SNTG1: variants seen among roughly 807,000 people sequenced by gnomAD.
The protein encoded by SNTG1 is gamma-1-syntrophin.
In SNTG1, 39 loss-of-function variants were observed where a neutral mutation model predicts 74.7. That is an observed-to-expected ratio of 0.52 (90% CI 0.40 to 0.68). SNTG1 has a LOEUF of 0.68. Ranked by LOEUF, SNTG1 falls within the 30% of genes least tolerant of loss-of-function variation. SNTG1 has a pLI of 0.00. For missense variants in SNTG1, 685 were observed against 609.5 expected, an observed-to-expected ratio of 1.12 and a Z score of -1.30; for synonymous variants, 254 against 217.1, an observed-to-expected ratio of 1.17 and a Z score of -1.49.
intron 1 of SNTG1, among the ~76,000 whole-genome samples, chr8:49,923,545 A>T (rs1358491447): frequency 6.6e-6 from 1 of 152,156 alleles, no homozygotes; most frequent in African/African-American, 2.4e-5. Context: ...CAAATTACTC[A>T]GCCTTTTCAC....
intron 1 of SNTG1, among the ~76,000 whole-genome samples, chr8:50,035,540 G>A (rs1170044205): frequency 6.6e-6 from 1 of 152,150 alleles, no homozygotes; most frequent in Admixed American, 6.5e-5. Context: ...AATATTTTGT[G>A]CGTTGTTAAA....
At chr8:50,762,522 C>A in intron 18 of SNTG1, 1 of 376,186 alleles carries the variant, frequency 2.7e-6, no homozygotes, top group South Asian at 2.3e-5. Flanking sequence ...GCTATCAAGT[C>A]TGCCCTTTCT....
At chr8:50,356,807 G>A (rs866094116) in intron 2 of SNTG1, among the ~76,000 whole-genome samples, 11 of 152,108 alleles carry the variant, frequency 7.2e-5, no homozygotes, top group African/African-American at 2.7e-4. Context: ...TCAAACCATA[G>A]CATTTTTTAG....
intron 2 of SNTG1, among the ~76,000 whole-genome samples, chr8:50,247,967 G>A (rs1434356827): frequency 1.3e-5 from 2 of 152,118 alleles, no homozygotes; most frequent in African/African-American, 4.8e-5. Flanking sequence ...GGAAAGATCA[G>A]TTCTGGGACT....
intron 9 of SNTG1, among the ~76,000 whole-genome samples, chr8:50,507,687 T>A (rs964190700): frequency 8.9e-6 from 1 of 112,134 alleles, no homozygotes; most frequent in African/African-American, 3.7e-5. Context: ...ATTTCATTTC[T>A]TTTTTTTTAA....
chr8:50,466,655 C>T lies in SNTG1; in HGVS notation c.363+15926C>T, dbSNP rs554596516. 7.4e-4 allele frequency among the ~76,000 whole-genome samples: 113 copies of T among 152,046 alleles called. 2 individuals carry two copies. Among genetic ancestry groups the T allele is most frequent in the South Asian group, 3.3e-3 (16 of 4,828 alleles). ...CAGCATCTAAGCAATGTTGAGTCCT[C>T]GAATCCATGAACATGGAACGTCTAT... On this transcript the variant is annotated intron_variant, in intron 8 of 18. Coordinates refer to ENST00000642720, the MANE Select transcript of SNTG1 (RefSeq NM_018967.5).
At chr8:50,248,206 C>A (rs182604770) in intron 2 of SNTG1, among the ~76,000 whole-genome samples, 1 of 152,236 alleles carries the variant, frequency 6.6e-6, no homozygotes, top group Non-Finnish European at 1.5e-5. Flanking sequence ...AGGACTTCAA[C>A]ATTTGCATAA....
At chr8:50,008,485 C>T (rs1300646195) in intron 1 of SNTG1, among the ~76,000 whole-genome samples, 1 of 151,992 alleles carries the variant, frequency 6.6e-6, no homozygotes, top group Admixed American at 6.6e-5. Context: ...AAGTTTATTA[C>T]GGAGATTTTT....
intron 1 of SNTG1, among the ~76,000 whole-genome samples, chr8:50,129,713 A>G (rs746736457): frequency 3.3e-5 from 5 of 152,148 alleles, no homozygotes; most frequent in Admixed American, 6.6e-5. Flanking sequence ...CATGACTTCA[A>G]TCTCATAGTC....
chr8:50,254,948 C>CTTTTTT (rs4006072), intron 2 of SNTG1, among the ~76,000 whole-genome samples: 6 of 85,258 alleles, frequency 7.0e-5, no homozygotes, highest in African/African-American at 2.3e-4. Flanking sequence ...TTTATTGCCA[C>CTTTTTT]TTTTTTTTTT....
intron 12 of SNTG1, among the ~76,000 whole-genome samples, chr8:50,570,564 T>TA (rs1250404703): frequency 2.3e-5 from 3 of 129,802 alleles, no homozygotes; most frequent in Admixed American, 8.5e-5. Context: ...AGCCTTATTT[T>TA]TTATTATTAT....
intron 15 of SNTG1, among the ~76,000 whole-genome samples, chr8:50,696,850 T>C (rs1461686508): frequency 6.6e-6 from 1 of 152,140 alleles, no homozygotes; most frequent in Non-Finnish European, 1.5e-5. Context: ...ACTATAGACA[T>C]CTAGTATTAT....
At chr8:49,955,208 T>C (rs147149218) in intron 1 of SNTG1, among the ~76,000 whole-genome samples, 1 of 152,376 alleles carries the variant, frequency 6.6e-6, no homozygotes, top group East Asian at 1.9e-4. Flanking sequence ...TTCAGTTATC[T>C]CCTAAATCTG....
intron 11 of SNTG1, among the ~76,000 whole-genome samples, chr8:50,544,070 C>T (rs1225723135): frequency 1.3e-5 from 2 of 151,984 alleles, no homozygotes; most frequent in Non-Finnish European, 2.9e-5. Flanking sequence ...ATTCCTTTTT[C>T]TCAACACACG....
At chr8:50,418,510 C>T (rs902752594) in intron 4 of SNTG1, among the ~76,000 whole-genome samples, 1 of 152,060 alleles carries the variant, frequency 6.6e-6, no homozygotes, top group Non-Finnish European at 1.5e-5. Flanking sequence ...TTTGCACTTG[C>T]TCTTTCAGAT....
rs759222538 is a variant in SNTG1, at chr8:50,740,469, AC to A, written c.1285-11531del. Among the ~76,000 whole-genome samples the A allele has an allele frequency of 3.3e-3, 496 of 151,980 alleles. 1 individual carries two copies. Among genetic ancestry groups the A allele is most frequent in the Middle Eastern group, 6.8e-3 (2 of 294 alleles). On this transcript the variant is annotated intron_variant, in intron 17 of 18. Coordinates refer to ENST00000642720, the MANE Select transcript of SNTG1 (RefSeq NM_018967.5). The stretch of plus-strand genomic sequence containing the variant: ...CAGAATGGCTACCATTAGAAACAAA[AC>A]AAAACAAAACAAAACAAAAACAATG...
intron 1 of SNTG1, among the ~76,000 whole-genome samples, chr8:50,036,250 AT>A (rs1409231031): frequency 1.3e-5 from 2 of 152,208 alleles, no homozygotes. Context: ...GTTCAACACC[AT>A]TTTATTGATA....
intron 2 of SNTG1, among the ~76,000 whole-genome samples, chr8:50,379,400 G>C (rs1260075278): frequency 6.6e-6 from 1 of 152,210 alleles, no homozygotes; most frequent in Non-Finnish European, 1.5e-5. Context: ...CAGTTGGGCA[G>C]CTGCAGTTGT....
intron 4 of SNTG1, among the ~76,000 whole-genome samples, chr8:50,415,604 A>G (rs997338600): frequency 5.3e-5 from 8 of 152,096 alleles, no homozygotes; most frequent in African/African-American, 1.9e-4. Flanking sequence ...TTAAAAAAAT[A>G]TATTTTTCTC....
Sources: allele counts gnomAD v4.1 joint callset (sites outside exome capture counted in the v4.1 genomes callset), GRCh38; gene constraint gnomAD v4.1.1; transcripts MANE v1.5; gene names NCBI Gene and HGNC (gene_info 2026-07-23, HGNC 2026-07-21).